IQCM: variants seen among roughly 807,000 people sequenced by gnomAD.
IQCM encodes the protein IQ motif containing M, also known as IQ domain-containing protein M.
In IQCM, 45 loss-of-function variants were observed where a neutral mutation model predicts 57.6. The observed-to-expected ratio is 0.78, with a 90% CI of 0.62 to 1.00. IQCM has a LOEUF of 1.00. Ranked by LOEUF, IQCM falls within the 50% of genes least tolerant of loss-of-function variation. The probability of loss-of-function intolerance (pLI) is 0.00; values close to 1 mark genes in which losing one functional copy is unlikely to be tolerated. For synonymous variants in IQCM, 148 were observed against 158.9 expected (o/e 0.93, Z 0.51); for missense variants, 468 against 511.6 (o/e 0.91, Z 0.82).
intron 13 of IQCM, among the ~76,000 whole-genome samples, chr4:149,400,423 A>C (rs999472983): frequency 6.6e-6 from 1 of 152,082 alleles, no homozygotes; most frequent in Non-Finnish European, 1.5e-5. Context: ...GATTGTCTAC[A>C]TGCAGACTTC....
intron 12 of IQCM, among the ~76,000 whole-genome samples, chr4:149,528,842 G>T (rs997030803): frequency 2.0e-5 from 3 of 151,956 alleles, no homozygotes; most frequent in Admixed American, 6.6e-5. Context: ...AGGTATGAAT[G>T]GCATTCTGCT....
intron 12 of IQCM, among the ~76,000 whole-genome samples, chr4:149,516,233 C>T (rs1744951470): frequency 6.6e-6 from 1 of 152,202 alleles, no homozygotes; most frequent in South Asian, 2.1e-4. Flanking sequence ...CCTCTTCCAT[C>T]ATGGAAAAGG....
At chr4:149,720,966 T>C (rs573980942) in intron 5 of IQCM, among the ~76,000 whole-genome samples, 263 of 152,310 alleles carry the variant, frequency 1.7e-3, no homozygotes, top group African/African-American at 5.2e-3. Flanking sequence ...TTATAAATTG[T>C]TATGGCTCCT....
At chr4:149,630,817 G>T (rs1757202655) in intron 7 of IQCM, among the ~76,000 whole-genome samples, 1 of 152,094 alleles carries the variant, frequency 6.6e-6, no homozygotes, top group African/African-American at 2.4e-5. Flanking sequence ...TAACAAAATT[G>T]TTTATTATAG....
intron 5 of IQCM, among the ~76,000 whole-genome samples, chr4:149,713,750 C>T (rs910414359): frequency 2.1e-5 from 3 of 144,464 alleles, no homozygotes; most frequent in Admixed American, 1.4e-4. Flanking sequence ...ATTTTACATT[C>T]CCATCTAAGG....
At chr4:149,508,467 G>A (rs6853045) in intron 12 of IQCM, among the ~76,000 whole-genome samples, 63,455 of 152,006 alleles carry the variant, frequency 0.42, 15,323 homozygotes, top group Non-Finnish European at 0.54. Flanking sequence ...ATGAGACATG[G>A]CGTCAAAGGA....
At chr4:149,697,835 G>C (rs187094633) in intron 5 of IQCM, among the ~76,000 whole-genome samples, 2 of 152,110 alleles carry the variant, frequency 1.3e-5, no homozygotes, top group South Asian at 2.1e-4. Context: ...AGAATGCCTG[G>C]CATATAATAG....
intron 12 of IQCM, among the ~76,000 whole-genome samples, chr4:149,433,916 G>A (rs777826464): frequency 3.2e-4 from 48 of 152,000 alleles, no homozygotes; most frequent in Non-Finnish European, 5.6e-4. Context: ...AGACTAATCT[G>A]ACAAAAATGT....
chr4:149,561,771 C>T (rs1014788181), intron 10 of IQCM, among the ~76,000 whole-genome samples: 11 of 152,094 alleles, frequency 7.2e-5, no homozygotes, highest in South Asian at 2.1e-4. Context: ...ATAAAGAGTA[C>T]GTACTTCCAA....
Position 149,357,184 on chromosome 4 carries a change from T to C in IQCM, c.1391-5118A>G, listed in dbSNP as rs572616255. On this transcript the variant is annotated intron_variant, in intron 13 of 13. Coordinates refer to ENST00000636793, the MANE Select transcript of IQCM (RefSeq NM_001363507.2). ...GTTTTCTAGATATACAATCATGTCATCTGCAAACAGGGACAATTTGAGTTC... is the reference window on the plus strand; with the variant it reads ...GTTTTCTAGATATACAATCATGTCACCTGCAAACAGGGACAATTTGAGTTC... 3.7e-3 allele frequency among the ~76,000 whole-genome samples: 563 copies of C among 152,354 alleles called. 6 individuals are homozygous for C. The highest frequency in any genetic ancestry group is 0.013 in the African/African-American group (538 of 41,578).
intron 13 of IQCM, among the ~76,000 whole-genome samples, chr4:149,364,860 A>G (rs1376309064): frequency 6.6e-6 from 1 of 152,086 alleles, no homozygotes; most frequent in Non-Finnish European, 1.5e-5. Context: ...AGTGATTTCA[A>G]CTCAATCAAG....
chr4:149,688,556 C>T (rs1762715443), intron 5 of IQCM, among the ~76,000 whole-genome samples: 1 of 151,810 alleles, frequency 6.6e-6, no homozygotes, highest in South Asian at 2.1e-4. Context: ...CAACACAATC[C>T]CCATCAAAAT....
intron 12 of IQCM, among the ~76,000 whole-genome samples, chr4:149,493,163 T>C (rs777525511): frequency 5.3e-5 from 8 of 152,264 alleles, no homozygotes; most frequent in Non-Finnish European, 1.2e-4. Flanking sequence ...AATTTTTTTC[T>C]CAATACCCTC....
intron 2 of IQCM, among the ~76,000 whole-genome samples, chr4:149,787,735 G>GA (rs1461940466): frequency 4.6e-5 from 7 of 151,854 alleles, no homozygotes; most frequent in South Asian, 2.1e-4. Context: ...TATAAAACTA[G>GA]AAAAAAACAG....
At chr4:149,618,691 T>G (rs1188075479) in intron 8 of IQCM, among the ~76,000 whole-genome samples, 1 of 152,118 alleles carries the variant, frequency 6.6e-6, no homozygotes, top group Non-Finnish European at 1.5e-5. Flanking sequence ...AGTGGACATT[T>G]TTCAAAAGAA....
At chr4:149,558,639 G>A (rs1749813269) in intron 10 of IQCM, among the ~76,000 whole-genome samples, 1 of 152,098 alleles carries the variant, frequency 6.6e-6, no homozygotes, top group Admixed American at 6.6e-5. Flanking sequence ...AGGTTAGTAT[G>A]GGGCAGCTTT....
intron 7 of IQCM, among the ~76,000 whole-genome samples, chr4:149,648,541 C>A (rs1758855312): frequency 6.6e-6 from 1 of 152,158 alleles, no homozygotes; most frequent in South Asian, 2.1e-4. Context: ...GATTTATAAT[C>A]CTTTGGGTGT....
At chr4:149,670,849 T>C (rs1188267411) in intron 7 of IQCM, among the ~76,000 whole-genome samples, 1 of 152,084 alleles carries the variant, frequency 6.6e-6, no homozygotes, top group Non-Finnish European at 1.5e-5. Context: ...GGTGGATAAA[T>C]ATTTTGATGT....
At chr4:149,566,516 G>A (rs946037227) in intron 9 of IQCM, among the ~76,000 whole-genome samples, 2 of 147,580 alleles carry the variant, frequency 1.4e-5, no homozygotes, top group Non-Finnish European at 1.5e-5. Flanking sequence ...ACACATGTAC[G>A]AGAGAGAGAG....
Sources: allele counts gnomAD v4.1 joint callset (sites outside exome capture counted in the v4.1 genomes callset), GRCh38; gene constraint gnomAD v4.1.1; transcripts MANE v1.5; gene names NCBI Gene and HGNC (gene_info 2026-07-23, HGNC 2026-07-21).